The following LRP1B variants were observed in gnomAD, a reference collection of about 807,000 sequenced individuals.
The protein encoded by LRP1B is low-density lipoprotein receptor-related protein 1B.
Under a neutral mutation model 556.6 loss-of-function variants are expected in LRP1B, and 217 were observed. That is an observed-to-expected ratio of 0.39 (90% CI 0.35 to 0.44). The LOEUF (loss-of-function observed/expected upper bound fraction) is 0.44, where lower values mean the gene tolerates loss of function less well. Among genes scored for constraint, LRP1B ranks in the 20% least tolerant of loss-of-function variants. The probability of loss-of-function intolerance (pLI) is 1.00; values close to 1 mark genes in which losing one functional copy is unlikely to be tolerated. For synonymous variants in LRP1B, 2,047 were observed against 1,865.8 expected (o/e 1.10, Z -2.50); for missense variants, 5,053 against 5,620.8 (o/e 0.90, Z 3.23).
chr2:141,750,096 G>A (rs1432938474), intron 2 of LRP1B, among the ~76,000 whole-genome samples: 1 of 152,092 alleles, frequency 6.6e-6, no homozygotes, highest in East Asian at 1.9e-4. Context: ...ATTCTGAGGA[G>A]CAGCTATACA....
chr2:140,554,779 G>C (rs1680666090), intron 43 of LRP1B, among the ~76,000 whole-genome samples: 1 of 151,526 alleles, frequency 6.6e-6, no homozygotes, highest in Non-Finnish European at 1.5e-5. Context: ...AAATAAATGA[G>C]TGATTAAAAA....
At chr2:141,306,151 G>A (rs1381034755) in intron 3 of LRP1B, among the ~76,000 whole-genome samples, 2 of 123,570 alleles carry the variant, frequency 1.6e-5, no homozygotes, top group African/African-American at 6.7e-5. Context: ...AGAATAGTTT[G>A]AGGAAAATCA....
chr2:142,082,671 T>C (rs1705764770), intron 1 of LRP1B, among the ~76,000 whole-genome samples: 1 of 152,220 alleles, frequency 6.6e-6, no homozygotes, highest in Non-Finnish European at 1.5e-5. Context: ...ACAAGCTCAA[T>C]CACTTCTCTC....
rs75826307 is a variant in LRP1B, at chr2:141,855,361, A to G, written c.83-44960T>C. On this transcript the variant is annotated intron_variant, in intron 1 of 90. Transcript: ENST00000389484. Reference sequence around the variant, plus strand: ...ATTAAGAAAATGAAATTGAAGAGGGATGATCTGCTTGGCATAAGACAAGAA... The same window carrying G: ...ATTAAGAAAATGAAATTGAAGAGGGGTGATCTGCTTGGCATAAGACAAGAA... 7.9e-3 allele frequency among the ~76,000 whole-genome samples: 1,196 copies of G among 152,226 alleles called. 22 individuals carry two copies. Among genetic ancestry groups the G allele is most frequent in the African/African-American group, 0.027 (1,137 of 41,544 alleles).
intron 3 of LRP1B, among the ~76,000 whole-genome samples, chr2:141,383,473 A>G (rs1260332455): frequency 1.3e-5 from 2 of 152,208 alleles, no homozygotes; most frequent in Admixed American, 6.5e-5. Context: ...TTTTTCATCA[A>G]TGGTTGAATG....
At chr2:141,257,083 A>T (rs1684493197) in intron 3 of LRP1B, among the ~76,000 whole-genome samples, 3 of 152,210 alleles carry the variant, frequency 2.0e-5, no homozygotes, top group Admixed American at 2.0e-4. Flanking sequence ...AGAGGCAAGC[A>T]GGGAAATCAA....
chr2:140,420,083 T>C (rs1035352440), intron 66 of LRP1B, among the ~76,000 whole-genome samples: 1 of 143,082 alleles, frequency 7.0e-6, no homozygotes, highest in Non-Finnish European at 1.5e-5. Flanking sequence ...ACACAACATA[T>C]GAAAATATAT....
intron 32 of LRP1B, among the ~76,000 whole-genome samples, chr2:140,777,590 A>C (rs149650282): frequency 2.8e-3 from 433 of 152,326 alleles, no homozygotes; most frequent in African/African-American, 9.9e-3. Flanking sequence ...CATCACAGGA[A>C]ATCAAGGATC....
At chr2:141,732,069 A>G (rs1693293595) in intron 2 of LRP1B, among the ~76,000 whole-genome samples, 1 of 152,140 alleles carries the variant, frequency 6.6e-6, no homozygotes, top group East Asian at 1.9e-4. Context: ...GTATTTTTCA[A>G]GGTAACCTCA....
intron 18 of LRP1B, among the ~76,000 whole-genome samples, chr2:140,956,362 G>A (rs1352269624): frequency 6.6e-6 from 1 of 151,686 alleles, no homozygotes; most frequent in East Asian, 1.9e-4. Context: ...TAATACTTTT[G>A]AAAGAGTATT....
chr2:141,428,453 TA>T (rs1292517754), intron 3 of LRP1B, among the ~76,000 whole-genome samples: 1 of 152,202 alleles, frequency 6.6e-6, no homozygotes. Flanking sequence ...AACTTATTAA[TA>T]GGGGCTCACT....
chr2:141,571,367 C>G (rs1044314721), intron 2 of LRP1B, among the ~76,000 whole-genome samples: 2 of 144,218 alleles, frequency 1.4e-5, no homozygotes, highest in African/African-American at 4.9e-5. Context: ...AAACCAACAA[C>G]AACAGCATCA....
At chr2:141,413,057 T>C (rs1690913710) in intron 3 of LRP1B, among the ~76,000 whole-genome samples, 5 of 151,940 alleles carry the variant, frequency 3.3e-5, no homozygotes, top group African/African-American at 1.2e-4. Flanking sequence ...TGAGACCCCA[T>C]CTCTACAAAA....
chr2:141,964,702 A>C (rs902647882), intron 1 of LRP1B, among the ~76,000 whole-genome samples: 2 of 150,840 alleles, frequency 1.3e-5, no homozygotes, highest in African/African-American at 4.8e-5. Context: ...CTTCATGTCC[A>C]AAACACCAAA....
chr2:142,073,415 T>C (rs1020822687), intron 1 of LRP1B, among the ~76,000 whole-genome samples: 17 of 152,042 alleles, frequency 1.1e-4, no homozygotes, highest in Non-Finnish European at 2.4e-4. Flanking sequence ...AAATATAAAA[T>C]TACATCATTA....
At chr2:141,642,661 T>C (rs1441463268) in intron 2 of LRP1B, among the ~76,000 whole-genome samples, 1 of 152,048 alleles carries the variant, frequency 6.6e-6, no homozygotes, top group Non-Finnish European at 1.5e-5. Flanking sequence ...AGAAGATGGA[T>C]GGCATGAGAA....
chr2:141,796,137 C>A (rs1044328020), intron 2 of LRP1B, among the ~76,000 whole-genome samples: 1 of 151,752 alleles, frequency 6.6e-6, no homozygotes, highest in Admixed American at 6.6e-5. Context: ...TTCTCTCACT[C>A]TGTCAAATAT....
intron 3 of LRP1B, among the ~76,000 whole-genome samples, chr2:141,329,771 A>G (rs978365496): frequency 6.6e-6 from 1 of 152,134 alleles, no homozygotes; most frequent in African/African-American, 2.4e-5. Context: ...AGGAACAAAT[A>G]TCATCTGGAT....
intron 14 of LRP1B, among the ~76,000 whole-genome samples, chr2:141,011,842 G>T (rs1697759172): frequency 6.6e-6 from 1 of 151,876 alleles, no homozygotes; most frequent in African/African-American, 2.4e-5. Flanking sequence ...TTCTCTATCA[G>T]AGTTATGTAC....
Sources: gnomAD v4.1 joint callset for allele counts (sites outside exome capture counted in the v4.1 genomes callset) on GRCh38, gnomAD v4.1.1 for gene constraint, MANE v1.5 for transcripts, NCBI Gene and HGNC (gene_info 2026-07-23, HGNC 2026-07-21) for gene names.